The following EPM2A variants were observed in gnomAD, a reference collection of about 807,000 sequenced individuals.
EPM2A encodes laforin.
A neutral mutation model predicts 26.5 loss-of-function variants in EPM2A; 21 were observed. The ratio of observed to expected loss-of-function variants is 0.79; its 90% CI spans 0.56 to 1.14. EPM2A has a LOEUF of 1.14. EPM2A is among the 50% of genes most tolerant of loss of function. The pLI, the probability that EPM2A is intolerant of heterozygous loss-of-function variation, is 0.00. For synonymous variants in EPM2A, 217 were observed against 177.6 expected (o/e 1.22, Z -1.76); for missense variants, 458 against 440.8 (o/e 1.04, Z -0.35).
chr6:145,549,041 A>G (rs1391766524), intron 2 of EPM2A, among the ~76,000 whole-genome samples: 3 of 152,122 alleles, frequency 2.0e-5, no homozygotes, highest in African/African-American at 7.2e-5. Context: ...AGATACCTTT[A>G]TCTGTTTTGG....
chr6:145,495,342 TAA>T (rs1236705211), intron 4 of EPM2A, among the ~76,000 whole-genome samples: 1 of 151,526 alleles, frequency 6.6e-6, no homozygotes, highest in Non-Finnish European at 1.5e-5. Context: ...ATTTGCTTGG[TAA>T]ATTTTCCTTC....
At chr6:145,716,255 C>G (rs1053813311) in intron 1 of EPM2A, among the ~76,000 whole-genome samples, 2 of 152,102 alleles carry the variant, frequency 1.3e-5, no homozygotes, top group African/African-American at 4.8e-5. Flanking sequence ...TCCTAAAAAC[C>G]ACTGAACTGT....
At chr6:145,653,385 G>C (rs778050876) in intron 2 of EPM2A, among the ~76,000 whole-genome samples, 1 of 152,112 alleles carries the variant, frequency 6.6e-6, no homozygotes, top group Non-Finnish European at 1.5e-5. Context: ...CATGATTGTA[G>C]GTTTCCTTCC....
chr6:145,591,957 T>A (rs13202312), intron 2 of EPM2A, among the ~76,000 whole-genome samples: 3 of 151,742 alleles, frequency 2.0e-5, no homozygotes, highest in Admixed American at 2.0e-4. Flanking sequence ...CACCTGAGAC[T>A]GTATAATGTT....
At chr6:145,490,111 A>T (rs1390980013) in intron 4 of EPM2A, 2 of 1,196,302 alleles carry the variant, frequency 1.7e-6, no homozygotes, top group Non-Finnish European at 2.4e-6. Context: ...GTTATATAAT[A>T]GTCATTGATA....
At chr6:145,690,020 T>C (rs1042231485) in intron 1 of EPM2A, among the ~76,000 whole-genome samples, 3 of 152,038 alleles carry the variant, frequency 2.0e-5, no homozygotes, top group Admixed American at 2.0e-4. Flanking sequence ...TAACAAGGCA[T>C]TCCTCCCTGT....
intron 2 of EPM2A, among the ~76,000 whole-genome samples, chr6:145,679,730 C>T (rs1305267567): frequency 2.6e-5 from 4 of 152,074 alleles, no homozygotes; most frequent in South Asian, 2.1e-4. Flanking sequence ...TCTTCGTTTA[C>T]GGAAGTAAAA....
At chr6:145,556,741 T>G (rs1406684690) in intron 2 of EPM2A, among the ~76,000 whole-genome samples, 1 of 152,134 alleles carries the variant, frequency 6.6e-6, no homozygotes. Context: ...ACCTGTTTGC[T>G]GAGAAAAGCT....
chr6:145,668,470 C>T (rs1779399430), intron 2 of EPM2A, among the ~76,000 whole-genome samples: 1 of 152,076 alleles, frequency 6.6e-6, no homozygotes, highest in South Asian at 2.1e-4. Flanking sequence ...AATATATAAG[C>T]TTTAAAATTT....
At chr6:145,515,438 G>T (rs1780112808) in intron 2 of EPM2A, among the ~76,000 whole-genome samples, 1 of 152,110 alleles carries the variant, frequency 6.6e-6, no homozygotes, top group South Asian at 2.1e-4. Context: ...ATAAACAACA[G>T]AAATTTATTT....
intron 4 of EPM2A, among the ~76,000 whole-genome samples, chr6:145,423,253 G>C (rs1778812178): frequency 6.6e-6 from 1 of 152,080 alleles, no homozygotes. Flanking sequence ...CTCTGAAAGG[G>C]AGCATGTTTT....
At chr6:145,572,095 C>G (rs1045376658) in intron 2 of EPM2A, among the ~76,000 whole-genome samples, 2 of 152,198 alleles carry the variant, frequency 1.3e-5, no homozygotes, top group African/African-American at 4.8e-5. Flanking sequence ...GGGATTTCTC[C>G]TTCCATGCAA....
intron 1 of EPM2A, among the ~76,000 whole-genome samples, chr6:145,719,501 T>C (rs1012655504): frequency 7.3e-5 from 11 of 150,622 alleles, no homozygotes; most frequent in African/African-American, 2.0e-4. Context: ...AGGGATAGCA[T>C]TGGAAGATAT....
downstream of EPM2A, among the ~76,000 whole-genome samples, chr6:145,623,498 A>G (rs117264904): frequency 4.1e-3 from 618 of 152,316 alleles, 17 homozygotes; most frequent in East Asian, 0.069. Flanking sequence ...CAAGAGGGCC[A>G]GTATGGCTAG....
intron 2 of EPM2A, among the ~76,000 whole-genome samples, chr6:145,530,750 C>A (rs928644912): frequency 5.3e-5 from 8 of 152,140 alleles, no homozygotes; most frequent in Non-Finnish European, 8.8e-5. Flanking sequence ...ACATAATTAA[C>A]CATAATAAAA....
At chr6:145,674,899 G>C (rs555307176) in intron 2 of EPM2A, among the ~76,000 whole-genome samples, 1 of 152,286 alleles carries the variant, frequency 6.6e-6, no homozygotes, top group Non-Finnish European at 1.5e-5. Flanking sequence ...AACCTGGTAA[G>C]GCAGGCCAAC....
rs991865318 is a variant in EPM2A, at chr6:145,625,621, C to T, written c.*1795G>A. ...TGAGTTACCTGAATACCAATTATTA[C>T]CTCTAGTTATTTTTAGCAAGGGAGC... On this transcript the variant is annotated 3_prime_UTR_variant, in exon 4 of 4. Coordinates refer to ENST00000367519, the MANE Select transcript of EPM2A (RefSeq NM_005670.4). 4 of 718,160 alleles carry T rather than the reference C, an allele frequency of 5.6e-6. No individual in the cohort carries two copies. The highest frequency in any genetic ancestry group is 1.7e-5 in the African/African-American group (1 of 57,266). The allele number at this position is 718,160 out of a possible 1,614,324, so 44.5% of individuals were successfully genotyped here.
At chr6:145,511,548 A>T (rs35663928) in intron 2 of EPM2A, among the ~76,000 whole-genome samples, 54 of 152,250 alleles carry the variant, frequency 3.5e-4, no homozygotes, top group Non-Finnish European at 7.2e-4. Context: ...GATAAAATCC[A>T]ACATCCTTTC....
At chr6:145,686,087 T>C (rs6902952) in intron 2 of EPM2A, 35 bp downstream of exon 2, 1 of 1,572,942 alleles carries the variant, frequency 6.4e-7, no homozygotes, top group Non-Finnish European at 8.8e-7. Flanking sequence ...TCTCTTGTCC[T>C]ACTTCTATGC....
Sources: gnomAD v4.1 joint callset for allele counts (sites outside exome capture counted in the v4.1 genomes callset) on GRCh38, gnomAD v4.1.1 for gene constraint, MANE v1.5 for transcripts, NCBI Gene and HGNC (gene_info 2026-07-23, HGNC 2026-07-21) for gene names.